Variants in SH3RF1 observed in about 807,000 individuals in gnomAD.
SH3RF1 encodes SH3 domain containing ring finger 1.
A neutral mutation model predicts 74.0 loss-of-function variants in SH3RF1; 32 were observed. The ratio of observed to expected loss-of-function variants is 0.43; its 90% confidence interval spans 0.33 to 0.58. SH3RF1 has a LOEUF of 0.58. Ranked by LOEUF, SH3RF1 falls within the 20% of genes least tolerant of loss-of-function variation. The pLI is 0.05. For synonymous variants in SH3RF1, 396 were observed against 439.6 expected (o/e 0.90, Z 1.24); for missense variants, 954 against 1,130.9 (o/e 0.84, Z 2.24).
Position 169,130,095 on chromosome 4 carries a change from C to T in SH3RF1, c.1130G>A (p.Gly377Asp), listed in dbSNP as rs776550062. 7 of 1,612,834 alleles carry T rather than the reference C, an allele frequency of 4.3e-6. No individual in the cohort carries two copies. The highest frequency in any genetic ancestry group is 3.3e-5 in the Admixed American group (2 of 59,808). Residue 377 changes from glycine to aspartate, a missense_variant, in exon 6 of 12, where the codon GGC becomes GAC. By Grantham distance (94) the Gly-to-Asp change is moderately conservative. Transcript: ENST00000284637. ...TPPPSSPVTT[G>D]PSFTFPSDVP... is the part of the protein sequence containing the mutation. ...ATCTGATGGGAAAGTAAACGAGGGG[C>T]CAGTTGTCACTGGGCTGCTTGGGGG...
chr4:169,201,654 T>C (rs1224375600), intron 2 of SH3RF1: 1 of 152,226 alleles, frequency 6.6e-6, no homozygotes, highest in Non-Finnish European at 1.5e-5. Flanking sequence ...CAGTCAAAGT[T>C]ATAATTTTGT....
At chr4:169,118,236 C>T (rs1733370199) in intron 8 of SH3RF1, among the ~76,000 whole-genome samples, 1 of 152,150 alleles carries the variant, frequency 6.6e-6, no homozygotes, top group Admixed American at 6.5e-5. Flanking sequence ...CACATACACG[C>T]ACTAGTGGAA....
At chr4:169,140,650 A>C (rs1733769307) in intron 4 of SH3RF1, among the ~76,000 whole-genome samples, 1 of 152,232 alleles carries the variant, frequency 6.6e-6, no homozygotes, top group Non-Finnish European at 1.5e-5. Flanking sequence ...AGAAATATTA[A>C]AATAAACTTT....
At chr4:169,142,617 A>T (rs1416651522) in intron 4 of SH3RF1, among the ~76,000 whole-genome samples, 1 of 152,248 alleles carries the variant, frequency 6.6e-6, no homozygotes, top group Non-Finnish European at 1.5e-5. Flanking sequence ...TCATTTAAAT[A>T]ACAGTCCATC....
At chr4:169,115,735 C>T (rs1012671075) in intron 10 of SH3RF1, among the ~76,000 whole-genome samples, 7 of 152,160 alleles carry the variant, frequency 4.6e-5, no homozygotes, top group African/African-American at 7.2e-5. Context: ...CTGTCTTCAA[C>T]GAAACTGGTC....
intron 11 of SH3RF1, among the ~76,000 whole-genome samples, chr4:169,105,587 G>T (rs758464453): frequency 6.6e-6 from 1 of 152,186 alleles, no homozygotes; most frequent in Non-Finnish European, 1.5e-5. Flanking sequence ...TACCCTTCTG[G>T]CTCAGGAAGA....
At chr4:169,147,362 A>G (rs955396253) in intron 4 of SH3RF1, among the ~76,000 whole-genome samples, 19 of 152,236 alleles carry the variant, frequency 1.2e-4, no homozygotes, top group African/African-American at 3.9e-4. Flanking sequence ...AAATTTGTCA[A>G]TGTGAAATGA....
intron 2 of SH3RF1, among the ~76,000 whole-genome samples, chr4:169,229,464 A>AC (rs34352475): frequency 2.2e-4 from 32 of 147,748 alleles, no homozygotes; most frequent in Admixed American, 1.1e-3. Context: ...TTGGTATACC[A>AC]CCCCCCCACC....
chr4:169,226,364 A>C (rs1730653165), intron 2 of SH3RF1, among the ~76,000 whole-genome samples: 1 of 152,236 alleles, frequency 6.6e-6, no homozygotes, highest in Non-Finnish European at 1.5e-5. Context: ...TCTGCTTTTC[A>C]TCACAGTTGT....
chr4:169,252,913 A>T (rs1297976730), intron 2 of SH3RF1, among the ~76,000 whole-genome samples: 1 of 152,176 alleles, frequency 6.6e-6, no homozygotes, highest in African/African-American at 2.4e-5. Context: ...ATATGACTCT[A>T]GCTAGTTGTT....
intron 10 of SH3RF1, among the ~76,000 whole-genome samples, chr4:169,111,801 C>T (rs1733249634): frequency 6.6e-6 from 1 of 152,138 alleles, no homozygotes; most frequent in South Asian, 2.1e-4. Flanking sequence ...GGATTTCAAA[C>T]AGGAAAGAAT....
At position 169,120,883 on chromosome 4, in the gene SH3RF1, C is replaced by T; in HGVS notation, c.1453G>A (p.Gly485Arg). ...FERCQDGWFK[G>R]TSMHTSKIGV... Reference sequence around the variant, plus strand: ...ATCTTGCTGGTATGCATGGATGTCCCTTTGAACCAGCCATCCTGGCAGCGC... The same window carrying T: ...ATCTTGCTGGTATGCATGGATGTCCTTTTGAACCAGCCATCCTGGCAGCGC... Residue 485 changes from glycine to arginine, a missense_variant, in exon 8 of 12, where the codon GGG becomes AGG. This residue lies in a region of SH3RF1 where 854 missense variants were observed against 962.5 expected (regional missense o/e 0.89). Transcript: ENST00000284637. The T allele has an allele frequency of 6.2e-7, 1 of 1,614,200 alleles. No homozygotes were observed. The highest frequency in any genetic ancestry group is 8.5e-7 in the Non-Finnish European group (1 of 1,180,032).
intron 6 of SH3RF1, among the ~76,000 whole-genome samples, chr4:169,126,617 C>T (rs562448453): frequency 6.6e-6 from 1 of 152,044 alleles, no homozygotes; most frequent in African/African-American, 2.4e-5. Context: ...TTAGGAACAG[C>T]ATCTAGTCCT....
chr4:169,155,865 C>A (rs1166259858), intron 3 of SH3RF1, among the ~76,000 whole-genome samples: 10 of 135,746 alleles, frequency 7.4e-5, no homozygotes, highest in Non-Finnish European at 1.1e-4. Flanking sequence ...CCTACCCTAG[C>A]CTCCTGAGTT....
intron 2 of SH3RF1, among the ~76,000 whole-genome samples, chr4:169,186,077 G>A (rs1734597219): frequency 6.6e-6 from 1 of 152,188 alleles, no homozygotes; most frequent in African/African-American, 2.4e-5. Flanking sequence ...AGTAAGGAAA[G>A]AGTGTCACCT....
At chr4:169,226,084 C>T (rs539882664) in intron 2 of SH3RF1, among the ~76,000 whole-genome samples, 1 of 152,206 alleles carries the variant, frequency 6.6e-6, no homozygotes, top group East Asian at 1.9e-4. Flanking sequence ...TGACTAATGC[C>T]ATTATTCTAC....
At chr4:169,195,211 T>C (rs1734789829) in intron 2 of SH3RF1, among the ~76,000 whole-genome samples, 2 of 152,330 alleles carry the variant, frequency 1.3e-5, no homozygotes, top group East Asian at 3.9e-4. Context: ...GACAACTATT[T>C]ACTTTCTAGA....
At chr4:169,145,103 A>T (rs1408578249) in intron 4 of SH3RF1, among the ~76,000 whole-genome samples, 2 of 152,176 alleles carry the variant, frequency 1.3e-5, no homozygotes, top group African/African-American at 4.8e-5. Flanking sequence ...AAGGAAAAGA[A>T]ATCATTTTAC....
chr4:169,148,535 C>T (rs566494059), intron 4 of SH3RF1, among the ~76,000 whole-genome samples: 2 of 152,228 alleles, frequency 1.3e-5, no homozygotes, highest in South Asian at 2.1e-4. Flanking sequence ...CCTTTCCAAA[C>T]GTTCTGGAAC....
Sources: allele counts gnomAD v4.1 joint callset (sites outside exome capture counted in the v4.1 genomes callset), GRCh38; gene constraint gnomAD v4.1.1; regional missense constraint gnomAD v4.1.1; transcripts MANE v1.5; gene names NCBI Gene and HGNC (gene_info 2026-07-23, HGNC 2026-07-21).